Variants in ECM2 observed in about 807,000 individuals in gnomAD.
ECM2 encodes extracellular matrix protein 2, female organ and adipocyte specific.
In ECM2, 57 loss-of-function variants were observed where a neutral mutation model predicts 67.5. The observed-to-expected ratio is 0.84, with a 90% CI of 0.68 to 1.05. The LOEUF is 1.05. ECM2 is among the 50% of genes least tolerant of loss of function. ECM2 has a pLI of 0.00. For missense variants in ECM2, 741 were observed against 822.8 expected (o/e 0.90, Z 1.22); for synonymous variants, 258 against 294.5 (o/e 0.88, Z 1.27).
rs1847621696 is a variant in ECM2 at position 92,515,150 on chromosome 9, C to G, written c.535G>C (p.Gly179Arg). 2 of 1,609,450 alleles carry G rather than the reference C, an allele frequency of 1.2e-6. No individual in the cohort carries two copies. The highest frequency in any genetic ancestry group is 2.2e-5 in the East Asian group (1 of 44,870). The change falls in exon 4 of 10, where the codon GGT becomes CGT. Residue 179 changes from glycine (G) to arginine (R), a missense_variant. Transcript: ENST00000344604. The stretch of plus-strand genomic sequence containing the variant: ...GGTTCTCTTTGTTCTGAAGAATCAC[C>G]AGAAAATTCATTTCTATCATTTAAT... ...IALNDRNEFS[G>R]DSSEQREPTN... is the part of the protein sequence containing the mutation.
the ECM2 span, among the ~76,000 whole-genome samples, chr9:92,555,906 A>G: frequency 1.3e-5 from 2 of 151,718 alleles, no homozygotes; most frequent in Non-Finnish European, 2.9e-5. Context: ...TTCTGCTCTA[A>G]TCTTGGTTAT....
At chr9:92,545,369 G>A in the ECM2 span, among the ~76,000 whole-genome samples, 32 of 152,232 alleles carry the variant, frequency 2.1e-4, no homozygotes, top group Admixed American at 2.0e-3. Context: ...ACTGGGAGCG[G>A]GCAGTGAGGG....
At chr9:92,540,368 G>T (rs1849288163), upstream of ECM2, among the ~76,000 whole-genome samples, 2 of 150,854 alleles carry the variant, frequency 1.3e-5, no homozygotes, top group Non-Finnish European at 2.9e-5. Context: ...AACCCAGGCG[G>T]CAAAGGTCGC....
the ECM2 span, among the ~76,000 whole-genome samples, chr9:92,556,162 G>A: frequency 6.6e-6 from 1 of 152,112 alleles, no homozygotes; most frequent in African/African-American, 2.4e-5. Flanking sequence ...TCATTCAGGA[G>A]CAGGTTATTT....
chr9:92,523,932 G>A (rs935267929), intron 1 of ECM2, among the ~76,000 whole-genome samples: 3 of 152,158 alleles, frequency 2.0e-5, no homozygotes, highest in African/African-American at 7.2e-5. Context: ...AGTTTATGCA[G>A]GCACTCCATA....
upstream of ECM2, among the ~76,000 whole-genome samples, chr9:92,539,369 C>T (rs2131306218): frequency 7.1e-6 from 1 of 141,434 alleles, no homozygotes; most frequent in South Asian, 2.6e-4. Flanking sequence ...CCCCAACCCA[C>T]TGCCTGTGGA....
chr9:92,535,308 G>C (rs1330168020), intron 1 of ECM2, among the ~76,000 whole-genome samples: 1 of 152,030 alleles, frequency 6.6e-6, no homozygotes, highest in Non-Finnish European at 1.5e-5. Context: ...ACAGAATTTT[G>C]CTTTGCACTT....
At chr9:92,541,424 C>G (rs1413081235), upstream of ECM2, among the ~76,000 whole-genome samples, 2 of 136,750 alleles carry the variant, frequency 1.5e-5, no homozygotes, top group East Asian at 4.9e-4. Flanking sequence ...CCCTCCCCAC[C>G]CCGCCCACAC....
downstream of ECM2, among the ~76,000 whole-genome samples, chr9:92,494,542 A>ATATTAT (rs1162909085): frequency 3.3e-5 from 5 of 152,246 alleles, no homozygotes; most frequent in East Asian, 9.7e-4. Flanking sequence ...AGTTATCTTC[A>ATATTAT]TATTATTATT....
chr9:92,544,566 G>T, the ECM2 span, among the ~76,000 whole-genome samples: 1 of 151,434 alleles, frequency 6.6e-6, no homozygotes, highest in Admixed American at 6.6e-5. Context: ...TCATGAGAGG[G>T]TGTTGAATTT....
intron 9 of ECM2, among the ~76,000 whole-genome samples, chr9:92,498,521 T>C (rs1846489620): frequency 6.6e-6 from 1 of 152,032 alleles, no homozygotes; most frequent in Non-Finnish European, 1.5e-5. Context: ...TTACACAGTT[T>C]TGACTTTGGA....
intron 1 of ECM2, among the ~76,000 whole-genome samples, chr9:92,530,337 T>G (rs1213328664): frequency 7.9e-5 from 12 of 152,162 alleles, no homozygotes; most frequent in Admixed American, 7.9e-4. Context: ...GAGATTTTGA[T>G]AGTAGGGGAA....
Position 92,500,732 on chromosome 9 carries a change from C to A in ECM2, c.1926G>T (p.Lys642Asn). 1 of 1,608,066 alleles carries A rather than the reference C, an allele frequency of 6.2e-7. No individual in the cohort carries two copies. Among genetic ancestry groups the A allele is most frequent in the East Asian group, 2.2e-5 (1 of 44,760 alleles). Residue 642 changes from lysine (K) to asparagine (N), a missense_variant, in exon 9 of 10, where the codon AAG becomes AAT. Transcript: ENST00000344604. The stretch of plus-strand genomic sequence containing the variant: ...TTGAAAAAGCCAAAATTTACCGTAT[C>A]TTGTTGTTGTTCAGCCTCAGAAAAT... ...ALHFLRLNNN[K>N]IRNILPEEIC...
chr9:92,540,445 A>AT (rs1849291481), upstream of ECM2, among the ~76,000 whole-genome samples: 1 of 151,634 alleles, frequency 6.6e-6, no homozygotes. Context: ...CAAAAAAAAA[A>AT]AAAAAATGAG....
At chr9:92,539,151 TA>T (rs1281732300), upstream of ECM2, 1 of 152,232 alleles carries the variant, frequency 6.6e-6, no homozygotes, top group African/African-American at 2.4e-5. Flanking sequence ...TCTTTATGGT[TA>T]GTTGAGAATA....
chr9:92,533,938 A>G (rs1849013489), intron 1 of ECM2, among the ~76,000 whole-genome samples: 1 of 152,132 alleles, frequency 6.6e-6, no homozygotes, highest in Admixed American at 6.5e-5. Context: ...CAAATTTTCA[A>G]CATATCTTTG....
intron 4 of ECM2, among the ~76,000 whole-genome samples, chr9:92,514,425 C>G (rs1563978791): frequency 1.3e-5 from 2 of 151,942 alleles, no homozygotes; most frequent in Non-Finnish European, 2.9e-5. Flanking sequence ...CAGGCATGCC[C>G]CACCACGCCC....
intron 7 of ECM2, 152 bp from the exon 8 acceptor site, chr9:92,502,804 CT>C (rs34408968): frequency 0.13 from 36,998 of 294,188 alleles, 96 homozygotes; most frequent in South Asian, 0.18. Flanking sequence ...TTTAAGTTGT[CT>C]TTTTTTTTTT....
chr9:92,500,069 C>A (rs1401079241), intron 9 of ECM2, among the ~76,000 whole-genome samples: 2 of 152,114 alleles, frequency 1.3e-5, no homozygotes, highest in Admixed American at 1.3e-4. Flanking sequence ...ACGTTTTATG[C>A]TTTATAGATT....
Sources: allele counts gnomAD v4.1 joint callset (sites outside exome capture counted in the v4.1 genomes callset), GRCh38; gene constraint gnomAD v4.1.1; transcripts MANE v1.5; gene names NCBI Gene and HGNC (gene_info 2026-07-23, HGNC 2026-07-21).